The following BMP2K variants were observed in gnomAD, a reference collection of about 807,000 sequenced individuals.
BMP2K encodes the protein BMP-2-inducible protein kinase.
BMP2K carries 74 observed loss-of-function variants against 116.0 expected under a neutral mutation model. The ratio of observed to expected loss-of-function variants is 0.64; its 90% CI spans 0.53 to 0.77. The LOEUF is 0.77. Among genes scored for constraint, BMP2K ranks in the 30% least tolerant of loss-of-function variants. The pLI is 0.00. For missense variants in BMP2K, 1,365 were observed against 1,403.6 expected, an observed-to-expected ratio of 0.97 and a Z score of 0.44; for synonymous variants, 486 against 502.5, an observed-to-expected ratio of 0.97 and a Z score of 0.44.
At chr4:78,864,392 T>C (rs988898461) in intron 9 of BMP2K, among the ~76,000 whole-genome samples, 1 of 151,776 alleles carries the variant, frequency 6.6e-6, no homozygotes, top group Non-Finnish European at 1.5e-5. Flanking sequence ...CATATATATA[T>C]ACACCGATAT....
intron 1 of BMP2K, among the ~76,000 whole-genome samples, chr4:78,800,861 C>T (rs567396954): frequency 5.1e-4 from 78 of 151,998 alleles, no homozygotes; most frequent in Middle Eastern, 6.8e-3. Context: ...ATGTAAATAC[C>T]GAAATTGTAT....
chr4:78,910,093 G>A (rs1203121933), intron 15 of BMP2K, among the ~76,000 whole-genome samples: 1 of 152,140 alleles, frequency 6.6e-6, no homozygotes, highest in African/African-American at 2.4e-5. Context: ...TTCATGCTAA[G>A]TCAATTCAAA....
chr4:78,896,253 T>C (rs2110086785), intron 15 of BMP2K, among the ~76,000 whole-genome samples: 1 of 152,360 alleles, frequency 6.6e-6, no homozygotes, highest in Admixed American at 6.5e-5. Flanking sequence ...TATCAAATTT[T>C]GGCAGTTTTT....
intron 1 of BMP2K, among the ~76,000 whole-genome samples, chr4:78,819,967 T>C (rs1303505345): frequency 1.3e-5 from 2 of 152,228 alleles, no homozygotes; most frequent in Non-Finnish European, 2.9e-5. Flanking sequence ...AGGTCTTTTT[T>C]GTCATCTAAT....
intron 1 of BMP2K, among the ~76,000 whole-genome samples, chr4:78,778,141 C>T (rs1004003243): frequency 6.6e-5 from 10 of 152,108 alleles, no homozygotes; most frequent in African/African-American, 2.4e-4. Flanking sequence ...GTTTTAGTAA[C>T]TAATTGAAAT....
At chr4:78,826,598 TG>T (rs1729885075) in intron 2 of BMP2K, among the ~76,000 whole-genome samples, 1 of 152,200 alleles carries the variant, frequency 6.6e-6, no homozygotes, top group South Asian at 2.1e-4. Flanking sequence ...TCTGGTAATT[TG>T]CAGTATAGTT....
chr4:78,796,705 G>A (rs940564403), intron 1 of BMP2K, among the ~76,000 whole-genome samples: 5 of 151,996 alleles, frequency 3.3e-5, no homozygotes, highest in Non-Finnish European at 1.5e-5. Context: ...GCTTTTTTGG[G>A]GCCTGATATT....
Position 78,794,240 on chromosome 4 carries a change from T to C in BMP2K, c.178+17519T>C, listed in dbSNP as rs561254261. 3.3e-5 allele frequency among the ~76,000 whole-genome samples: 5 copies of C among 152,206 alleles called. No homozygotes were observed. The South Asian group carries it at 1.0e-3, about 32-fold the overall frequency. ...CTGAGTGAAATCTGTGTTGCTGGGGTGCAATGATATGCATTCTTGACCTCT... is the reference window on the plus strand; with the variant it reads ...CTGAGTGAAATCTGTGTTGCTGGGGCGCAATGATATGCATTCTTGACCTCT... On this transcript the variant is annotated intron_variant, in intron 1 of 15. Transcript: ENST00000502613.
Position 78,878,754 on chromosome 4 carries a change from C to T in BMP2K, c.1814C>T (p.Ala605Val), listed in dbSNP as rs1160921673. 5.6e-6 allele frequency: 9 copies of T among 1,611,148 alleles called. No homozygotes were observed. Among genetic ancestry groups the T allele is most frequent in the Non-Finnish European group, 5.1e-6 (6 of 1,179,120 alleles). ...SANRSVADKE[A>V]IANFTNQKNI... ...TATAGGTCAGTTGCTGATAAAGAGG[C>T]CATTGCAAATTTCACAAATCAGAAG... Residue 605 changes from alanine to valine, a missense_variant, in exon 14 of 16, where the codon GCC becomes GTC. Transcript: ENST00000502613.
intron 9 of BMP2K, among the ~76,000 whole-genome samples, chr4:78,861,704 C>A (rs1203579267): frequency 6.7e-6 from 1 of 148,914 alleles, no homozygotes; most frequent in Non-Finnish European, 1.5e-5. Context: ...GATTATTTAA[C>A]TGATGATGTG....
At chr4:78,898,181 G>T (rs1733803656) in intron 15 of BMP2K, among the ~76,000 whole-genome samples, 1 of 152,130 alleles carries the variant, frequency 6.6e-6, no homozygotes, top group African/African-American at 2.4e-5. Context: ...GCAGTATTAG[G>T]TTTGGTAAAC....
At chr4:78,909,476 G>A (rs58761040) in intron 15 of BMP2K, among the ~76,000 whole-genome samples, 10,312 of 152,070 alleles carry the variant, frequency 0.068, 469 homozygotes, top group East Asian at 0.21. Flanking sequence ...CATGGCCTTA[G>A]AGGACCTTCA....
chr4:78,802,156 C>T (rs947376040), intron 1 of BMP2K, among the ~76,000 whole-genome samples: 4 of 152,258 alleles, frequency 2.6e-5, no homozygotes, highest in Middle Eastern at 3.4e-3. Flanking sequence ...CTGCCTTCTT[C>T]GTTTTGCTGT....
intron 15 of BMP2K, among the ~76,000 whole-genome samples, chr4:78,903,221 C>G (rs978947401): frequency 6.6e-6 from 1 of 151,808 alleles, no homozygotes; most frequent in Non-Finnish European, 1.5e-5. Context: ...TGGGCAAATT[C>G]ATGTTCTTGT....
At chr4:78,892,106 G>A (rs943207483) in intron 15 of BMP2K, among the ~76,000 whole-genome samples, 2 of 152,072 alleles carry the variant, frequency 1.3e-5, no homozygotes, top group African/African-American at 4.8e-5. Flanking sequence ...TGTTGGTCTC[G>A]TAAAATGAGT....
intron 15 of BMP2K, among the ~76,000 whole-genome samples, chr4:78,899,464 A>G (rs1434063688): frequency 6.6e-6 from 1 of 152,186 alleles, no homozygotes; most frequent in African/African-American, 2.4e-5. Context: ...TCCAAGACAG[A>G]AATCTTGGCC....
At position 78,776,383 on chromosome 4, in the gene BMP2K, C is replaced by A; in HGVS notation, c.-161C>A. 2 of 674,132 alleles carry A rather than the reference C, an allele frequency of 3.0e-6. No homozygotes were observed. Among genetic ancestry groups the A allele is most frequent in the Non-Finnish European group, 3.8e-6 (2 of 525,894 alleles). 41.8% of individuals were successfully genotyped at this position (674,132 alleles called of 1,614,324 possible). On this transcript the variant is annotated 5_prime_UTR_variant, in exon 1 of 16. Coordinates refer to ENST00000502613, the MANE Select transcript of BMP2K (RefSeq NM_198892.2). ...CGGAGCCGCGGAGCGGGCGGCGGGG[C>A]CCAGGCTGTGCGCTTGGGGAGCGCG... is the stretch of plus-strand genomic sequence containing the variant.
At chr4:78,856,670 A>T (rs1413297335) in intron 7 of BMP2K, among the ~76,000 whole-genome samples, 1 of 152,124 alleles carries the variant, frequency 6.6e-6, no homozygotes, top group Non-Finnish European at 1.5e-5. Flanking sequence ...GGAGCTCATC[A>T]GATAAAACTG....
rs540284247 is a variant in BMP2K at position 78,915,905 on chromosome 4, A to G, written c.*3872A>G. 1 of 152,108 alleles carries G rather than the reference A, an allele frequency of 6.6e-6. No individual in the cohort carries two copies. The highest frequency in any genetic ancestry group is 2.4e-5 in the African/African-American group (1 of 41,568). The allele number at this position is 152,108 out of a possible 1,614,324, so 9.4% of individuals were successfully genotyped here. ...AAAAGTCATCTAATAGAAGCTGTAT[A>G]GAAGCTACTTTTTAATTGCTGGCAA... On this transcript the variant is annotated 3_prime_UTR_variant, in exon 16 of 16. Coordinates refer to ENST00000502613, the MANE Select transcript of BMP2K (RefSeq NM_198892.2).
Sources: allele counts gnomAD v4.1 joint callset (sites outside exome capture counted in the v4.1 genomes callset), GRCh38; gene constraint gnomAD v4.1.1; transcripts MANE v1.5; gene names NCBI Gene and HGNC (gene_info 2026-07-23, HGNC 2026-07-21).